The following STIM2 variants were observed in gnomAD, a reference collection of about 807,000 sequenced individuals.
The protein encoded by STIM2 is stromal interaction molecule 2.
STIM2 carries 31 observed loss-of-function variants against 85.8 expected under a neutral mutation model. That is an observed-to-expected ratio of 0.36 (90% CI 0.27 to 0.49). The LOEUF is 0.49. STIM2 is among the 20% of genes least tolerant of loss of function. The probability of loss-of-function intolerance (pLI) is 0.98; values close to 1 mark genes in which losing one functional copy is unlikely to be tolerated. For synonymous variants in STIM2, 356 were observed against 331.1 expected, an observed-to-expected ratio of 1.08 and a Z score of -0.82; for missense variants, 841 against 927.6, an observed-to-expected ratio of 0.91 and a Z score of 1.21.
At chr4:26,927,558 A>T (rs1478524291) in intron 2 of STIM2, among the ~76,000 whole-genome samples, 3 of 70,424 alleles carry the variant, frequency 4.3e-5, no homozygotes, top group African/African-American at 1.6e-4. Flanking sequence ...GAGGGATAGC[A>T]TTGGGAGATA....
At chr4:27,002,104 A>C in intron 5 of STIM2, 113 bp from the exon 6 acceptor site, 1 of 893,676 alleles carries the variant, frequency 1.1e-6, no homozygotes, top group Non-Finnish European at 1.7e-6. Flanking sequence ...GTGCATGGGA[A>C]AGAGATCTCC....
intron 10 of STIM2, among the ~76,000 whole-genome samples, chr4:27,015,374 A>G (rs917222926): frequency 6.6e-6 from 1 of 151,830 alleles, no homozygotes; most frequent in Non-Finnish European, 1.5e-5. Context: ...TGTTTCTTTC[A>G]GTCATAATTT....
chr4:26,895,027 C>G (rs1268415258), intron 1 of STIM2, among the ~76,000 whole-genome samples: 1 of 152,342 alleles, frequency 6.6e-6, no homozygotes, highest in Non-Finnish European at 1.5e-5. Context: ...GCCTGGCCAA[C>G]ATGGTGAAAC....
intron 3 of STIM2, among the ~76,000 whole-genome samples, chr4:26,964,637 T>G (rs1577466809): frequency 1.3e-5 from 2 of 151,886 alleles, no homozygotes; most frequent in Admixed American, 6.6e-5. Flanking sequence ...GGAGGGGGGG[T>G]TTATTTAACT....
chr4:26,933,655 C>G (rs1725282150), intron 2 of STIM2, among the ~76,000 whole-genome samples: 2 of 145,644 alleles, frequency 1.4e-5, no homozygotes, highest in South Asian at 4.3e-4. Flanking sequence ...TCTCAGCCAA[C>G]TCAGGAGGCT....
intron 2 of STIM2, among the ~76,000 whole-genome samples, chr4:26,931,691 A>G (rs1017695783): frequency 3.3e-5 from 5 of 152,184 alleles, no homozygotes; most frequent in Non-Finnish European, 5.9e-5. Context: ...AAGCAGGGCA[A>G]AGGGAAGGGA....
chr4:26,888,961 T>G (rs1246874272), intron 1 of STIM2, among the ~76,000 whole-genome samples: 1 of 152,186 alleles, frequency 6.6e-6, no homozygotes, highest in Non-Finnish European at 1.5e-5. Context: ...CATGAGGAGT[T>G]CAAAGTGGCC....
At chr4:26,917,106 A>G (rs1181049474) in intron 1 of STIM2, among the ~76,000 whole-genome samples, 3 of 152,228 alleles carry the variant, frequency 2.0e-5, no homozygotes, top group South Asian at 2.1e-4. Flanking sequence ...TGCCCTGTTC[A>G]TAATCTTAGT....
intron 2 of STIM2, among the ~76,000 whole-genome samples, chr4:26,929,777 G>C (rs1197477240): frequency 6.6e-6 from 1 of 152,044 alleles, no homozygotes; most frequent in Non-Finnish European, 1.5e-5. Flanking sequence ...TTAGGAACAA[G>C]ATAGACAAAA....
Position 26,934,862 on chromosome 4 carries a change from G to A in STIM2, c.282+15228G>A, listed in dbSNP as rs1056598225. On this transcript the variant is annotated intron_variant, in intron 2 of 11. Coordinates refer to ENST00000467087, the MANE Select transcript of STIM2 (RefSeq NM_020860.4). ...CGGGAGGTGGAGGTTGTAGTGAGCC[G>A]AGATCGCGCCATTGAACTACAGCCT... 4.9e-5 allele frequency among the ~76,000 whole-genome samples: 7 copies of A among 142,234 alleles called. No homozygotes were observed. The South Asian group carries it at 8.7e-4, about 18-fold the overall frequency. The allele number at this position is 142,234 out of a possible 152,430, so 93.3% of individuals were successfully genotyped here. A position where few individuals can be genotyped will look rare whatever the true frequency, so the allele number is the denominator to read the frequency against.
intron 1 of STIM2, among the ~76,000 whole-genome samples, chr4:26,885,851 A>ATATATATATATATG (rs1723212073): frequency 2.1e-5 from 1 of 47,012 alleles, no homozygotes; most frequent in Non-Finnish European, 4.2e-5. Context: ...ATATATATAT[A>ATATATATATATATG]TATATATATA....
chr4:26,861,286 G>A lies in STIM2; in HGVS notation c.68G>A (p.Arg23His), dbSNP rs746591670. The A allele has an allele frequency of 1.9e-4, 281 of 1,451,372 alleles. No homozygotes were observed. The highest frequency in any genetic ancestry group is 2.3e-4 in the Non-Finnish European group (255 of 1,105,788). 89.9% of individuals were successfully genotyped at this position (1,451,372 alleles called of 1,614,324 possible). The change falls in exon 1 of 12, where the codon CGC becomes CAC. Residue 23 changes from arginine (R) to histidine (H), a missense_variant. Around this residue, in one of 3 missense-constraint regions of STIM2, gnomAD observed 140 missense variants for 117.7 expected, o/e 1.19. Coordinates refer to ENST00000467087, the MANE Select transcript of STIM2 (RefSeq NM_020860.4). ...TGCGAGCTTGTGCCCCGGCACCTCC[G>A]CGGGCGGCGGGCGACTGGCTCTGCC... is the stretch of plus-strand genomic sequence containing the variant.
At chr4:26,878,243 G>A (rs892386959) in intron 1 of STIM2, among the ~76,000 whole-genome samples, 3 of 152,118 alleles carry the variant, frequency 2.0e-5, no homozygotes. Context: ...GGTAGGGCTC[G>A]TAAGCCTGAG....
At chr4:27,020,129 C>T (rs962254590) in intron 11 of STIM2, among the ~76,000 whole-genome samples, 6 of 152,218 alleles carry the variant, frequency 3.9e-5, no homozygotes, top group African/African-American at 1.4e-4. Context: ...AGTCTCCTGA[C>T]TTAAATCAGT....
chr4:27,012,324 AT>A (rs35958742), intron 10 of STIM2, among the ~76,000 whole-genome samples: 9 of 151,686 alleles, frequency 5.9e-5, no homozygotes, highest in East Asian at 1.9e-4. Flanking sequence ...GGTTTAAAAA[AT>A]TTTTTTTTGA....
At chr4:26,952,601 C>A (rs942073970) in intron 2 of STIM2, among the ~76,000 whole-genome samples, 3 of 152,018 alleles carry the variant, frequency 2.0e-5, no homozygotes, top group Non-Finnish European at 4.4e-5. Context: ...AAGTAACTTA[C>A]TACAGTCATA....
intron 1 of STIM2, among the ~76,000 whole-genome samples, chr4:26,890,255 G>A (rs578049101): frequency 6.6e-6 from 1 of 152,180 alleles, no homozygotes; most frequent in African/African-American, 2.4e-5. Context: ...ATAGGTGTGG[G>A]CTGGGAGAGA....
intron 2 of STIM2, among the ~76,000 whole-genome samples, chr4:26,921,949 C>T (rs573046837): frequency 7.2e-5 from 11 of 152,238 alleles, no homozygotes; most frequent in South Asian, 2.1e-4. Context: ...TCATTACTTT[C>T]GATTCAAAGT....
intron 10 of STIM2, among the ~76,000 whole-genome samples, chr4:27,011,499 G>C (rs1283973879): frequency 6.6e-6 from 1 of 152,114 alleles, no homozygotes; most frequent in Non-Finnish European, 1.5e-5. Context: ...CCTAGAAACG[G>C]ACTGCTGGGT....
Sources: allele counts gnomAD v4.1 joint callset (sites outside exome capture counted in the v4.1 genomes callset), GRCh38; gene constraint gnomAD v4.1.1; regional missense constraint gnomAD v4.1.1; transcripts MANE v1.5; gene names NCBI Gene and HGNC (gene_info 2026-07-23, HGNC 2026-07-21).